The following GULP1 variants were observed in gnomAD, a reference collection of about 807,000 sequenced individuals.
GULP1 encodes GULP PTB domain containing engulfment adaptor 1, also known as PTB domain-containing engulfment adapter protein 1.
GULP1 carries 19 observed loss-of-function variants against 40.9 expected under a neutral mutation model. The ratio of observed to expected loss-of-function variants is 0.46; its 90% CI spans 0.32 to 0.68. The LOEUF (loss-of-function observed/expected upper bound fraction) is 0.68. Ranked by LOEUF, GULP1 falls within the 30% of genes least tolerant of loss-of-function variation. The probability of loss-of-function intolerance (pLI) is 0.03; values close to 1 mark genes in which losing one functional copy is unlikely to be tolerated. For synonymous variants in GULP1, 119 were observed against 117.6 expected, an observed-to-expected ratio of 1.01 and a Z score of -0.08; for missense variants, 312 against 362.2, an observed-to-expected ratio of 0.86 and a Z score of 1.12.
At chr2:188,411,228 C>A (rs1282104597) in intron 2 of GULP1, among the ~76,000 whole-genome samples, 1 of 152,140 alleles carries the variant, frequency 6.6e-6, no homozygotes, top group Non-Finnish European at 1.5e-5. Flanking sequence ...GTATGTTATT[C>A]ATCCATCGTT....
At chr2:188,406,794 AATTTAAAGAATAAGAGAAC>A (rs1009457037) in intron 2 of GULP1, among the ~76,000 whole-genome samples, 2 of 152,244 alleles carry the variant, frequency 1.3e-5, no homozygotes, top group African/African-American at 4.8e-5. Flanking sequence ...AGGGGAAGAA[AATTTAAAGAATAAGAGAAC>A]ATTTAAAGAA....
chr2:188,584,334 C>G lies in GULP1; in HGVS notation c.679C>G (p.His227Asp), dbSNP rs766366275. The G allele has an allele frequency of 3.5e-5, 56 of 1,603,860 alleles. No individual in the cohort carries two copies. The highest frequency in any genetic ancestry group is 4.4e-5 in the Non-Finnish European group (52 of 1,170,984). ...FDMIPFSPISHQSSMPTRNGT... is the reference protein window; with the variant it reads ...FDMIPFSPISDQSSMPTRNGT... ...TATGATTCCATTTTCTCCAATATCA[C>G]ACCAGTCTTCGATGCCTACTCGCAA... Residue 227 changes from histidine to aspartate, a missense_variant, in exon 10 of 12, where the codon CAC becomes GAC. His to Asp is a moderately conservative substitution (Grantham distance 81, BLOSUM62 -1). Transcript: ENST00000409830.
chr2:188,409,919 T>A (rs183614013), intron 2 of GULP1, among the ~76,000 whole-genome samples: 4 of 152,296 alleles, frequency 2.6e-5, no homozygotes, highest in African/African-American at 7.2e-5. Context: ...TGAACAAAGC[T>A]GGAAGCATCA....
intron 5 of GULP1, among the ~76,000 whole-genome samples, chr2:188,528,396 A>T (rs1396589802): frequency 6.6e-6 from 1 of 152,112 alleles, no homozygotes. Context: ...TGCTAAGCAC[A>T]TGAGTATTCT....
At chr2:188,305,367 A>C (rs1367742587) in intron 1 of GULP1, among the ~76,000 whole-genome samples, 1 of 152,196 alleles carries the variant, frequency 6.6e-6, no homozygotes, top group African/African-American at 2.4e-5. Context: ...ATGATTGACA[A>C]CCAACAGTGT....
intron 2 of GULP1, among the ~76,000 whole-genome samples, chr2:188,419,632 G>A (rs74913216): frequency 0.076 from 11,542 of 151,624 alleles, 603 homozygotes; most frequent in Non-Finnish European, 0.1. Context: ...GTGTCTTGCA[G>A]TATTTCCTCC....
chr2:188,456,145 C>G (rs2152938573), intron 2 of GULP1, among the ~76,000 whole-genome samples: 1 of 152,264 alleles, frequency 6.6e-6, no homozygotes, highest in East Asian at 1.9e-4. Context: ...AATTTGCAGC[C>G]TGACAAGGCA....
chr2:188,393,109 T>C (rs1414851356), intron 2 of GULP1, among the ~76,000 whole-genome samples: 1 of 151,942 alleles, frequency 6.6e-6, no homozygotes, highest in Admixed American at 6.6e-5. Context: ...TGTTCTAGAG[T>C]ATAGCTTAAG....
chr2:188,545,446 G>A (rs151121634), intron 7 of GULP1, among the ~76,000 whole-genome samples: 1 of 151,950 alleles, frequency 6.6e-6, no homozygotes, highest in East Asian at 1.9e-4. Context: ...TATTAAACTA[G>A]GAAAGTTAAG....
intron 2 of GULP1, among the ~76,000 whole-genome samples, chr2:188,445,679 T>C (rs1482177297): frequency 6.6e-6 from 1 of 152,094 alleles, no homozygotes; most frequent in Non-Finnish European, 1.5e-5. Flanking sequence ...CACAACTAGT[T>C]TTTAGTGGAA....
chr2:188,521,490 C>T (rs2153225450), intron 4 of GULP1, among the ~76,000 whole-genome samples: 1 of 152,188 alleles, frequency 6.6e-6, no homozygotes, highest in Admixed American at 6.5e-5. Context: ...GCTGGGGAGA[C>T]CTCAGCAAAC....
At chr2:188,518,835 T>G (rs1335031589) in intron 4 of GULP1, among the ~76,000 whole-genome samples, 1 of 152,112 alleles carries the variant, frequency 6.6e-6, no homozygotes, top group Non-Finnish European at 1.5e-5. Context: ...TTAGAATGAT[T>G]TTTCAGGAGA....
At chr2:188,304,070 T>C (rs972421065) in intron 1 of GULP1, among the ~76,000 whole-genome samples, 3 of 152,126 alleles carry the variant, frequency 2.0e-5, no homozygotes, top group Non-Finnish European at 4.4e-5. Context: ...TAAATGCTGC[T>C]TGGTATGGAA....
At chr2:188,426,622 T>C (rs1296303078) in intron 2 of GULP1, among the ~76,000 whole-genome samples, 1 of 152,226 alleles carries the variant, frequency 6.6e-6, no homozygotes, top group Non-Finnish European at 1.5e-5. Context: ...GGAATTTGGT[T>C]ATCTTATACA....
At chr2:188,528,182 A>C (rs143705490) in intron 5 of GULP1, among the ~76,000 whole-genome samples, 3 of 152,224 alleles carry the variant, frequency 2.0e-5, no homozygotes, top group Non-Finnish European at 4.4e-5. Context: ...AACTTTGACA[A>C]ATATTTTTTA....
At chr2:188,332,346 C>T (rs756795863) in intron 1 of GULP1, among the ~76,000 whole-genome samples, 9 of 152,080 alleles carry the variant, frequency 5.9e-5, no homozygotes, top group Non-Finnish European at 1.3e-4. Context: ...TGTGCCACCA[C>T]ACCTGGCTAA....
chr2:188,375,831 T>G (rs1217350143), intron 1 of GULP1, among the ~76,000 whole-genome samples: 1 of 152,194 alleles, frequency 6.6e-6, no homozygotes, highest in East Asian at 1.9e-4. Context: ...TCTATTGATC[T>G]TGGTGCTGAA....
At chr2:188,353,246 T>C (rs926722186) in intron 1 of GULP1, among the ~76,000 whole-genome samples, 4 of 152,206 alleles carry the variant, frequency 2.6e-5, no homozygotes, top group African/African-American at 4.8e-5. Context: ...AGCTGACATT[T>C]ACCAAGTGCT....
At chr2:188,574,485 A>G (rs946774526) in intron 9 of GULP1, among the ~76,000 whole-genome samples, 6 of 152,060 alleles carry the variant, frequency 3.9e-5, no homozygotes, top group African/African-American at 1.2e-4. Flanking sequence ...TTAGCTGGGC[A>G]TGATGGTGCA....
Sources: gnomAD v4.1 joint callset for allele counts (sites outside exome capture counted in the v4.1 genomes callset) on GRCh38, gnomAD v4.1.1 for gene constraint, MANE v1.5 for transcripts, NCBI Gene and HGNC (gene_info 2026-07-23, HGNC 2026-07-21) for gene names.